PLEC: variants seen among roughly 807,000 people sequenced by gnomAD.
PLEC encodes plectin, also known as hemidesmosomal protein 1.
Under a neutral mutation model 392.8 loss-of-function variants are expected in PLEC, and 216 were observed. The observed-to-expected ratio is 0.55, with a 90% CI of 0.49 to 0.62. The LOEUF (loss-of-function observed/expected upper bound fraction) is 0.62, where lower values mean the gene tolerates loss of function less well. PLEC is among the 20% of genes least tolerant of loss of function. The pLI, the probability that PLEC is intolerant of heterozygous loss-of-function variation, is 0.00. For missense variants in PLEC, 6,863 were observed against 6,563.4 expected (o/e 1.05, Z -1.58); for synonymous variants, 3,621 against 2,980.6 (o/e 1.21, Z -7.00).
Position 143,917,134 on chromosome 8 carries a change from G to T in PLEC, c.12687C>A (p.Ile4229=), listed in dbSNP as rs782427909. 1 of 1,604,966 alleles carries T rather than the reference G, an allele frequency of 6.2e-7. No homozygotes were observed. Among genetic ancestry groups the T allele is most frequent in the Non-Finnish European group, 8.5e-7 (1 of 1,173,012 alleles). ...CCGAGAGCATGTCGGCGAACTCGGTGATGGAGAGCGTGCCGGCGCGGTACT... is the reference window on the plus strand; with the variant it reads ...CCGAGAGCATGTCGGCGAACTCGGTTATGGAGAGCGTGCCGGCGCGGTACT... ...LDQYRAGTLS[I]TEFADMLSGN... The change falls in exon 32 of 32, where the codon ATC becomes ATA. Residue 4229 remains isoleucine, a synonymous_variant. Transcript: ENST00000345136.
chr8:143,929,011 G>A (rs1053276779), intron 25 of PLEC, 92 bp downstream of exon 25: 147 of 1,199,486 alleles, frequency 1.2e-4, no homozygotes, highest in Admixed American at 1.8e-4. Context: ...CCCCCAACTC[G>A]TTCCCTCCTG....
intron 1 of PLEC, among the ~76,000 whole-genome samples, chr8:143,959,653 G>A (rs1053977835): frequency 6.6e-6 from 1 of 152,382 alleles, no homozygotes; most frequent in East Asian, 1.9e-4. Context: ...GGGCACTGCT[G>A]GAGGGACGAC....
chr8:143,918,566 A>C lies in PLEC; in HGVS notation c.11255T>G (p.Leu3752Arg). 6.2e-7 allele frequency: 1 copy of C among 1,611,554 alleles called. No homozygotes were observed. The highest frequency in any genetic ancestry group is 1.1e-5 in the South Asian group (1 of 91,050). The stretch of plus-strand genomic sequence containing the variant: ...GCGGTCGTGCAGCTCGGGCCCCACG[A>C]GGCCCTTCCGCACAGCCTCATCCAC... ...LTVDEAVRKG[L>R]VGPELHDRLL... is the part of the protein sequence containing the mutation. The change falls in exon 32 of 32, where the codon CTC becomes CGC. Residue 3752 changes from leucine to arginine, a missense_variant. Transcript: ENST00000345136.
intron 1 of PLEC, among the ~76,000 whole-genome samples, chr8:143,965,475 G>A (rs1266485893): frequency 6.6e-6 from 1 of 152,184 alleles, no homozygotes; most frequent in Non-Finnish European, 1.5e-5. Context: ...TTGGGTCCCT[G>A]ACCTCATGAC....
chr8:143,925,421 A>ACC lies in PLEC; in HGVS notation c.4506_4507dup (p.Val1503GlyfsTer20), dbSNP rs1824722308. ...CCGCTTACGCTGGCTCTCGTCCTGC[A>ACC]CCTGCCTCCGCAAGCGCTCGGCCTC... On this transcript the variant is annotated frameshift_variant, in exon 31 of 32. Coordinates refer to ENST00000345136, the MANE Select transcript of PLEC (RefSeq NM_201384.3). LOFTEE classifies it high-confidence loss of function. 1 of 1,592,816 alleles carries ACC rather than the reference A, an allele frequency of 6.3e-7. No individual in the cohort carries two copies. Among genetic ancestry groups the ACC allele is most frequent in the Admixed American group, 1.7e-5 (1 of 59,650 alleles).
rs1397352060 is a variant in PLEC, at chr8:143,921,301, G to A, written c.8520C>T (p.Asn2840=). Residue 2840 remains asparagine, a synonymous_variant, in exon 32 of 32, where the codon AAC becomes AAT. Coordinates refer to ENST00000345136, the MANE Select transcript of PLEC (RefSeq NM_201384.3). The part of the protein sequence containing the change: ...YRRGYFDEEM[N]RVLADPSDDT... ...CGTCGCTGGGGTCCGCCAGGACGCG[G>A]TTCATCTCCTCGTCGAAGTAGCCGC... 4.3e-6 allele frequency: 7 copies of A among 1,613,894 alleles called. No individual in the cohort carries two copies. Among genetic ancestry groups the A allele is most frequent in the Non-Finnish European group, 5.9e-6 (7 of 1,180,038 alleles).
upstream of PLEC, among the ~76,000 whole-genome samples, chr8:143,957,365 A>G (rs994589218): frequency 6.6e-6 from 1 of 152,306 alleles, no homozygotes. Flanking sequence ...CCCAGGCTGC[A>G]GTCGGGCTCA....
rs782604399 is a variant in PLEC at position 143,935,913 on chromosome 8, T to C, written c.537A>G (p.Arg179=). 34 of 1,612,928 alleles carry C rather than the reference T, an allele frequency of 2.1e-5. No homozygotes were observed. Among genetic ancestry groups the C allele is most frequent in the Non-Finnish European group, 2.6e-5 (31 of 1,179,972 alleles). The change falls in exon 6 of 32, where the codon CGA becomes CGG. Residue 179 remains arginine, a synonymous_variant. Transcript: ENST00000345136. ...TCCAGCTGGAGGTGAAGTTGTCGCATCGCAGGCCCTGGTACCCCTCCACCA... is the reference window on the plus strand; with the variant it reads ...TCCAGCTGGAGGTGAAGTTGTCGCACCGCAGGCCCTGGTACCCCTCCACCA... ...QRMVEGYQGL[R]CDNFTSSWRD...
chr8:143,953,576 G>A, upstream of PLEC: 2 of 873,488 alleles, frequency 2.3e-6, no homozygotes, highest in South Asian at 1.4e-5. Context: ...AGGGGGACGA[G>A]TCTGGGGTCT....
intron 1 of PLEC, among the ~76,000 whole-genome samples, chr8:143,959,264 C>CA: frequency 6.6e-6 from 1 of 152,212 alleles, no homozygotes; most frequent in Non-Finnish European, 1.5e-5. Context: ...AGAGAAAGTT[C>CA]ATTGAGAGGC....
At chr8:143,944,925 C>T (rs1235264681) in intron 1 of PLEC, among the ~76,000 whole-genome samples, 2 of 151,632 alleles carry the variant, frequency 1.3e-5, no homozygotes, top group African/African-American at 4.9e-5. Context: ...ACCCAGGCCC[C>T]GCTGCAGTCA....
In PLEC at chr8:143,921,913, G is replaced by T. The variant is rs782160527; in HGVS notation, c.7908C>A (p.Pro2636=). 2 of 1,599,808 alleles carry T rather than the reference G, an allele frequency of 1.3e-6. No individual in the cohort carries two copies. Among genetic ancestry groups the T allele is most frequent in the Admixed American group, 1.7e-5 (1 of 59,982 alleles). ...TGTGCTCCGGCTCTGCCTCTGCCGC[G>T]GGGCCATCAAGTGCATCCCGGCCAT... ...LPNGRDALDG[P]AAEAEPEHSF... is the part of the protein sequence containing the mutation. Residue 2636 remains proline, a synonymous_variant, in exon 32 of 32, where the codon CCC becomes CCA. Coordinates refer to ENST00000345136, the MANE Select transcript of PLEC (RefSeq NM_201384.3).
intron 1 of PLEC, among the ~76,000 whole-genome samples, chr8:143,949,343 C>T (rs1015452462): frequency 2.0e-5 from 3 of 152,230 alleles, no homozygotes; most frequent in Non-Finnish European, 4.4e-5. Context: ...GGAGCCAGCA[C>T]GGAGGGCAGA....
At position 143,916,731 on chromosome 8, in the gene PLEC, T is replaced by C. The variant is rs782591664; in HGVS notation, c.13090A>G (p.Thr4364Ala). 2 of 1,613,048 alleles carry C rather than the reference T, an allele frequency of 1.2e-6. No individual in the cohort carries two copies. The highest frequency in any genetic ancestry group is 1.7e-6 in the Non-Finnish European group (2 of 1,179,936). The change falls in exon 32 of 32, where the codon ACC (threonine) becomes GCC (alanine). Residue 4364 changes from threonine (T) to alanine (A), a missense_variant. By Grantham distance (58) the Thr-to-Ala change is moderately conservative. Transcript: ENST00000345136. ...KAFCGFEDPR[T>A]KTKMSAAQAL... is the part of the protein sequence containing the mutation. ...TGGGCGGCCGACATCTTGGTCTTGG[T>C]GCGTGGGTCCTCGAAGCCGCAGAAG...
In PLEC at chr8:143,925,202, G is replaced by A. The variant is rs782322130; in HGVS notation, c.4727C>T (p.Ala1576Val). 4.5e-5 allele frequency: 72 copies of A among 1,586,540 alleles called. No homozygotes were observed. Among genetic ancestry groups the A allele is most frequent in the Middle Eastern group, 3.6e-4 (2 of 5,488 alleles). Residue 1576 changes from alanine (A) to valine (V), a missense_variant, in exon 31 of 32, where the codon GCG (alanine) becomes GTG (valine). Coordinates refer to ENST00000345136, the MANE Select transcript of PLEC (RefSeq NM_201384.3). Reference sequence around the variant, plus strand: ...GGAGGCGCGTTTGCTCTGCAGCTCCGCCTCTGCACTGCGCTGCGCCGTCTC... The same window carrying A: ...GGAGGCGCGTTTGCTCTGCAGCTCCACCTCTGCACTGCGCTGCGCCGTCTC... ...ALETAQRSAEAELQSKRASFA... is the reference protein window; with the variant it reads ...ALETAQRSAEVELQSKRASFA...
At position 143,927,014 on chromosome 8, in the gene PLEC, G is replaced by A. The variant is rs1564076782; in HGVS notation, c.3908C>T (p.Pro1303Leu). Residue 1303 changes from proline to leucine, a missense_variant, in exon 29 of 32, where the codon CCC (proline) becomes CTC (leucine). Pro to Leu is a moderately conservative substitution (Grantham distance 98, BLOSUM62 -3). Transcript: ENST00000345136. ...LEPVASPAKKPKVQSGSESVI... is the reference protein window; with the variant it reads ...LEPVASPAKKLKVQSGSESVI... ...ACTCTCTGATCCCGACTGGACCTTG[G>A]GCTTCTTGGCCGGGGAGGCCACCGG... is the stretch of plus-strand genomic sequence containing the variant. The A allele has an allele frequency of 6.2e-7, 1 of 1,613,060 alleles. No individual in the cohort carries two copies. The highest frequency in any genetic ancestry group is 1.3e-5 in the African/African-American group (1 of 75,054).
At position 143,973,487 on chromosome 8, in the gene PLEC, G is replaced by GC. The variant is rs1279048701; in HGVS notation, c.-16_-15insG. 11 of 1,503,400 alleles carry GC rather than the reference G, an allele frequency of 7.3e-6. No homozygotes were observed. Among genetic ancestry groups the GC allele is most frequent in the Non-Finnish European group, 9.8e-6 (11 of 1,125,210 alleles). The allele number at this position is 1,503,400 out of a possible 1,614,324, so 93.1% of individuals were successfully genotyped here. ...GGGCCGGCCATGCCGGCGGGCGCGG[G>GC]GCGCGGGGTGCAGCGGAGCCTCCAG... On this transcript the variant is annotated 5_prime_UTR_variant, in exon 1 of 32. Coordinates refer to the PLEC transcript ENST00000356346. The surrounding 1 kb of genome is among the most constrained non-coding windows in gnomAD (Gnocchi z 5.6).
chr8:143,969,917 C>CA lies in PLEC; in HGVS notation c.70+3485dup, dbSNP rs1270442676. ...GCAGGGGCCAGGGGTGGGAGGCCTG[C>CA]ATTGGTCTGGGGGAAAAGCGGGCCT... On this transcript the variant is annotated intron_variant, in intron 1 of 31. Transcript: ENST00000356346. The surrounding 1 kb of genome is among the most constrained non-coding windows in gnomAD (Gnocchi z 5.1). Among the ~76,000 whole-genome samples, 11 of 151,422 alleles carry CA rather than the reference C, an allele frequency of 7.3e-5. No individual in the cohort carries two copies. Among genetic ancestry groups the CA allele is most frequent in the Non-Finnish European group, 1.6e-4 (11 of 67,838 alleles).
rs782673175 is a variant in PLEC, at chr8:143,932,504, C to T, written c.1873G>A (p.Ala625Thr). 4.9e-5 allele frequency: 79 copies of T among 1,611,934 alleles called. No individual in the cohort carries two copies. The highest frequency in any genetic ancestry group is 3.0e-4 in the South Asian group (27 of 91,092). The stretch of plus-strand genomic sequence containing the variant: ...TTCAGCCACATTAGCTCCTTAGTGG[C>T]GGCTGCCACAAAGCTGTGCAAGCTC... ...LESLHSFVAA[A>T]TKELMWLNEK... The change falls in exon 16 of 32, where the codon GCC becomes ACC. Residue 625 changes from alanine (A) to threonine (T), a missense_variant. Physicochemically the swap from Ala to Thr is moderately conservative, Grantham distance 58. Transcript: ENST00000345136.
Sources: gnomAD v4.1 joint callset for allele counts (sites outside exome capture counted in the v4.1 genomes callset) on GRCh38, gnomAD v4.1.1 for gene constraint, Gnocchi (gnomAD v3.1) non-coding constraint, MANE v1.5 for transcripts, NCBI Gene and HGNC (gene_info 2026-07-23, HGNC 2026-07-21) for gene names.